The following PTPRM variants were observed in gnomAD, a reference collection of about 807,000 sequenced individuals.
PTPRM encodes protein tyrosine phosphatase receptor type M.
PTPRM carries 47 observed loss-of-function variants against 186.7 expected under a neutral mutation model. The ratio of observed to expected loss-of-function variants is 0.25; its 90% CI spans 0.20 to 0.32. The LOEUF (loss-of-function observed/expected upper bound fraction) is 0.32, where lower values mean the gene tolerates loss of function less well. PTPRM is among the 10% of genes least tolerant of loss of function. The pLI is 1.00. For synonymous variants in PTPRM, 668 were observed against 674.9 expected, an observed-to-expected ratio of 0.99 and a Z score of 0.16; for missense variants, 1,494 against 1,865.0, an observed-to-expected ratio of 0.80 and a Z score of 3.66.
chr18:7,887,949 G>T (rs1324321046), intron 2 of PTPRM, 157 bp from the exon 3 acceptor site: 1 of 841,352 alleles, frequency 1.2e-6, no homozygotes, highest in Non-Finnish European at 2.1e-6. Context: ...AGGAGGAGGA[G>T]GTGGTGATAT....
At chr18:7,621,410 A>G (rs2037935431) in intron 1 of PTPRM, among the ~76,000 whole-genome samples, 1 of 151,686 alleles carries the variant, frequency 6.6e-6, no homozygotes, top group Admixed American at 6.6e-5. Context: ...GCCCCCCATT[A>G]TCAACAGCTC....
At chr18:8,078,700 T>C (rs2089965040) in intron 9 of PTPRM, among the ~76,000 whole-genome samples, 1 of 152,230 alleles carries the variant, frequency 6.6e-6, no homozygotes, top group South Asian at 2.1e-4. Flanking sequence ...AACTGGCTTA[T>C]GCTTCTGCAG....
At chr18:7,947,782 C>T (rs373523213) in intron 5 of PTPRM, among the ~76,000 whole-genome samples, 14 of 152,150 alleles carry the variant, frequency 9.2e-5, no homozygotes, top group East Asian at 7.7e-4. Flanking sequence ...ACTATATCTG[C>T]AGTTTGTCTG....
At chr18:7,764,140 A>G (rs1168694931) in intron 1 of PTPRM, among the ~76,000 whole-genome samples, 1 of 152,128 alleles carries the variant, frequency 6.6e-6, no homozygotes, top group African/African-American at 2.4e-5. Context: ...GTTGTCCTTT[A>G]TCATCTGAGA....
intron 14 of PTPRM, among the ~76,000 whole-genome samples, chr18:8,166,887 G>C (rs2093331398): frequency 6.6e-6 from 1 of 152,108 alleles, no homozygotes; most frequent in South Asian, 2.1e-4. Context: ...AAATAAAATA[G>C]ACCTAGGCAA....
chr18:8,387,513 A>AG lies in PTPRM; in HGVS notation c.4208+278_4208+279insG, dbSNP rs535411529. Among the ~76,000 whole-genome samples the AG allele has an allele frequency of 2.6e-3, 394 of 151,836 alleles. 4 individuals carry two copies. The highest frequency in any genetic ancestry group is 9.4e-3 in the African/African-American group (388 of 41,390). ...CGCCCACTGCCAAGAGGAAAAAAAA[A>AG]AAAACACTGGCTCTTGAGAGCCAAT... On this transcript the variant is annotated intron_variant, in intron 31 of 32. Coordinates refer to ENST00000580170, the MANE Select transcript of PTPRM (RefSeq NM_001105244.2).
intron 1 of PTPRM, among the ~76,000 whole-genome samples, chr18:7,664,408 T>C (rs960509753): frequency 6.6e-6 from 1 of 152,198 alleles, no homozygotes; most frequent in East Asian, 1.9e-4. Context: ...GCATTAAACA[T>C]TGAGCATAAG....
intron 21 of PTPRM, among the ~76,000 whole-genome samples, chr18:8,316,556 A>C (rs1212155163): frequency 6.6e-6 from 1 of 152,170 alleles, no homozygotes; most frequent in East Asian, 1.9e-4. Context: ...TAGTCAATAG[A>C]TCTTATTGAG....
chr18:8,218,966 G>A (rs1457321976), intron 14 of PTPRM, among the ~76,000 whole-genome samples: 3 of 152,178 alleles, frequency 2.0e-5, no homozygotes, highest in Non-Finnish European at 4.4e-5. Flanking sequence ...AGAGGGCTGA[G>A]AGTGTGGAGG....
At chr18:8,294,784 T>C (rs1481255444) in intron 19 of PTPRM, among the ~76,000 whole-genome samples, 1 of 152,240 alleles carries the variant, frequency 6.6e-6, no homozygotes, top group Non-Finnish European at 1.5e-5. Flanking sequence ...TTAAACCTCT[T>C]AACTCTTAGG....
chr18:7,615,251 GA>G (rs1041503851), intron 1 of PTPRM, among the ~76,000 whole-genome samples: 2 of 151,332 alleles, frequency 1.3e-5, no homozygotes, highest in African/African-American at 2.4e-5. Flanking sequence ...ACTGTAACAG[GA>G]AAAAAAATCA....
intron 2 of PTPRM, among the ~76,000 whole-genome samples, chr18:7,886,583 G>A (rs2048798988): frequency 6.6e-6 from 1 of 152,046 alleles, no homozygotes; most frequent in Non-Finnish European, 1.5e-5. Context: ...TGTTCAAAAA[G>A]CACATGAAGA....
At chr18:8,051,300 A>G (rs986156301) in intron 7 of PTPRM, among the ~76,000 whole-genome samples, 3 of 152,196 alleles carry the variant, frequency 2.0e-5, no homozygotes, top group African/African-American at 7.2e-5. Context: ...TGTTTTCTGA[A>G]GTTATGTAAT....
chr18:7,614,985 G>A lies in PTPRM; in HGVS notation c.73+47094G>A, dbSNP rs140119954. 1.9e-4 allele frequency among the ~76,000 whole-genome samples: 29 copies of A among 152,234 alleles called. No individual in the cohort carries two copies. The East Asian group carries it at 5.4e-3, about 28-fold the overall frequency. Reference sequence around the variant, plus strand: ...GAATTAAACTTTGATACTTCCTGTTGTCCATCCCCTAGCCAACACACACAT... The same window carrying A: ...GAATTAAACTTTGATACTTCCTGTTATCCATCCCCTAGCCAACACACACAT... On this transcript the variant is annotated intron_variant, in intron 1 of 32. Transcript: ENST00000580170.
At chr18:8,057,425 C>CTTTTTTTTTTTTTTTTTTTTTATTT (rs2088072606) in intron 7 of PTPRM, among the ~76,000 whole-genome samples, 2 of 102,562 alleles carry the variant, frequency 2.0e-5, no homozygotes, top group Non-Finnish European at 3.8e-5. Context: ...TGTGATACTT[C>CTTTTTTTTTTTTTTTTTTTTTATTT]TTTTTTTTTT....
chr18:7,688,189 C>G (rs2144624402), intron 1 of PTPRM, among the ~76,000 whole-genome samples: 1 of 152,300 alleles, frequency 6.6e-6, no homozygotes, highest in Non-Finnish European at 1.5e-5. Context: ...AAGCTACTTC[C>G]CAGCCCGGTA....
chr18:7,876,795 G>A (rs927919526), intron 2 of PTPRM, among the ~76,000 whole-genome samples: 1 of 152,150 alleles, frequency 6.6e-6, no homozygotes, highest in African/African-American at 2.4e-5. Context: ...TGTTCCTCCT[G>A]AAGTTATCTA....
chr18:8,136,755 G>A (rs969451367), intron 13 of PTPRM, among the ~76,000 whole-genome samples: 6 of 151,272 alleles, frequency 4.0e-5, no homozygotes, highest in African/African-American at 9.7e-5. Context: ...TCTAGGAGGT[G>A]TTTTGTGATT....
chr18:7,695,339 G>A (rs934940138), intron 1 of PTPRM, among the ~76,000 whole-genome samples: 8 of 152,270 alleles, frequency 5.3e-5, no homozygotes, highest in East Asian at 1.9e-4. Context: ...ACAATGCAGC[G>A]TATGGTTTGG....
Sources: allele counts gnomAD v4.1 joint callset (sites outside exome capture counted in the v4.1 genomes callset), GRCh38; gene constraint gnomAD v4.1.1; transcripts MANE v1.5; gene names NCBI Gene and HGNC (gene_info 2026-07-23, HGNC 2026-07-21).